The following ENOX1 variants were observed in gnomAD, a reference collection of about 807,000 sequenced individuals.
ENOX1 encodes the protein candidate growth-related and time keeping constitutive hydroquinone (NADH) oxidase.
ENOX1 carries 42 observed loss-of-function variants against 82.5 expected under a neutral mutation model. The observed-to-expected ratio is 0.51, with a 90% CI of 0.40 to 0.66. The LOEUF (loss-of-function observed/expected upper bound fraction) is 0.66. Ranked by LOEUF, ENOX1 falls within the 30% of genes least tolerant of loss-of-function variation. The pLI is 0.00. For synonymous variants in ENOX1, 271 were observed against 282.2 expected (o/e 0.96, Z 0.40); for missense variants, 608 against 811.6 (o/e 0.75, Z 3.05).
chr13:43,718,329 A>G (rs2088296571), intron 1 of ENOX1, among the ~76,000 whole-genome samples: 2 of 152,162 alleles, frequency 1.3e-5, no homozygotes, highest in East Asian at 1.9e-4. Flanking sequence ...TAAACATTGA[A>G]TACACATAGA....
intron 3 of ENOX1, among the ~76,000 whole-genome samples, chr13:43,457,689 G>C (rs937064861): frequency 7.2e-5 from 11 of 152,142 alleles, no homozygotes; most frequent in African/African-American, 2.7e-4. Context: ...TCCAAACAAT[G>C]ATCACTGACT....
At chr13:43,399,956 C>T (rs1325475052) in intron 5 of ENOX1, among the ~76,000 whole-genome samples, 1 of 151,956 alleles carries the variant, frequency 6.6e-6, no homozygotes, top group Admixed American at 6.6e-5. Flanking sequence ...ATCAGCCCAC[C>T]CCTTTTTTCA....
At chr13:43,576,468 A>C (rs1486112547) in intron 2 of ENOX1, among the ~76,000 whole-genome samples, 1 of 152,224 alleles carries the variant, frequency 6.6e-6, no homozygotes, top group Non-Finnish European at 1.5e-5. Flanking sequence ...TGTGATGAGC[A>C]ATATGGCAGC....
intron 14 of ENOX1, among the ~76,000 whole-genome samples, chr13:43,260,275 TTTTTC>T (rs763883057): frequency 1.0e-3 from 158 of 152,344 alleles, no homozygotes; most frequent in Non-Finnish European, 8.7e-4. Flanking sequence ...TGAAAAGTCT[TTTTTC>T]TTTTGTGTTT....
At chr13:43,556,850 C>T (rs1016023347) in intron 2 of ENOX1, among the ~76,000 whole-genome samples, 3 of 152,058 alleles carry the variant, frequency 2.0e-5, no homozygotes, top group Admixed American at 1.3e-4. Flanking sequence ...TATATGGCTA[C>T]GTGCCAAAGA....
At chr13:43,230,878 A>G (rs1402526173) in intron 15 of ENOX1, among the ~76,000 whole-genome samples, 1 of 152,246 alleles carries the variant, frequency 6.6e-6, no homozygotes, top group Non-Finnish European at 1.5e-5. Context: ...CAGTTTGGTC[A>G]GCACATTATT....
chr13:43,505,051 A>G (rs2077104865), intron 2 of ENOX1, among the ~76,000 whole-genome samples: 1 of 151,864 alleles, frequency 6.6e-6, no homozygotes, highest in South Asian at 2.1e-4. Flanking sequence ...TTTTTAGGAA[A>G]TAAAAGAAAC....
intron 2 of ENOX1, among the ~76,000 whole-genome samples, chr13:43,596,889 T>C (rs150617091): frequency 6.6e-6 from 1 of 152,274 alleles, no homozygotes; most frequent in Non-Finnish European, 1.5e-5. Flanking sequence ...ATGGTAAAAA[T>C]TACAGCATGC....
At chr13:43,513,366 C>G (rs1048072950) in intron 2 of ENOX1, among the ~76,000 whole-genome samples, 3 of 151,996 alleles carry the variant, frequency 2.0e-5, no homozygotes, top group African/African-American at 7.2e-5. Context: ...GTAGAGAAAA[C>G]AAGGGGCAAA....
chr13:43,244,915 C>T (rs1441925648), intron 14 of ENOX1, among the ~76,000 whole-genome samples: 1 of 152,120 alleles, frequency 6.6e-6, no homozygotes, highest in Non-Finnish European at 1.5e-5. Flanking sequence ...AATCGGGGGC[C>T]CTATAGATAA....
chr13:43,532,412 CT>C (rs1258696721), intron 2 of ENOX1, among the ~76,000 whole-genome samples: 1 of 152,038 alleles, frequency 6.6e-6, no homozygotes, highest in East Asian at 1.9e-4. Flanking sequence ...CTGATAGATC[CT>C]TTTTTATGGT....
At chr13:43,225,146 C>A (rs1184298254) in intron 15 of ENOX1, among the ~76,000 whole-genome samples, 3 of 152,164 alleles carry the variant, frequency 2.0e-5, no homozygotes, top group Admixed American at 1.3e-4. Flanking sequence ...AGGCCATTAT[C>A]CTAAGTGAAC....
At chr13:43,647,866 C>T (rs1371455609) in intron 2 of ENOX1, among the ~76,000 whole-genome samples, 1 of 152,168 alleles carries the variant, frequency 6.6e-6, no homozygotes, top group Admixed American at 6.5e-5. Flanking sequence ...AAACGAAGAA[C>T]CTTTTTCAGC....
At chr13:43,640,893 C>A (rs1027146132) in intron 2 of ENOX1, among the ~76,000 whole-genome samples, 2 of 111,728 alleles carry the variant, frequency 1.8e-5, no homozygotes, top group Non-Finnish European at 3.5e-5. Flanking sequence ...CGCACACACA[C>A]ACGTACACAC....
chr13:43,444,275 A>G (rs1406409340), intron 3 of ENOX1, among the ~76,000 whole-genome samples: 1 of 152,214 alleles, frequency 6.6e-6, no homozygotes, highest in African/African-American at 2.4e-5. Flanking sequence ...ATTTGCTCTG[A>G]GCTGGGACCT....
At chr13:43,359,671 A>G in intron 7 of ENOX1, 180 bp downstream of exon 7, 2 of 599,734 alleles carry the variant, frequency 3.3e-6, no homozygotes, top group South Asian at 4.1e-5. Context: ...CCTGCAGTGA[A>G]GTACCTTCAC....
At chr13:43,646,493 G>C (rs938243716) in intron 2 of ENOX1, among the ~76,000 whole-genome samples, 1 of 152,182 alleles carries the variant, frequency 6.6e-6, no homozygotes, top group East Asian at 1.9e-4. Flanking sequence ...ACTGCCTGAC[G>C]ACTCTGCAGC....
chr13:43,442,024 T>C (rs2056386840), intron 3 of ENOX1, among the ~76,000 whole-genome samples: 1 of 152,010 alleles, frequency 6.6e-6, no homozygotes, highest in South Asian at 2.1e-4. Flanking sequence ...GAGAGAGATC[T>C]CCTGGGAAAT....
chr13:43,471,809 C>CAAAAAAAAAAAAAAAAA (rs5803181), intron 3 of ENOX1, among the ~76,000 whole-genome samples: 1 of 124,540 alleles, frequency 8.0e-6, no homozygotes. Context: ...GACTCCGTCT[C>CAAAAAAAAAAAAAAAAA]AAAAAAAAAA....
Sources: allele counts gnomAD v4.1 joint callset (sites outside exome capture counted in the v4.1 genomes callset), GRCh38; gene constraint gnomAD v4.1.1; transcripts MANE v1.5; gene names NCBI Gene and HGNC (gene_info 2026-07-23, HGNC 2026-07-21).